CAPN1: variants seen among roughly 807,000 people sequenced by gnomAD.
CAPN1 encodes the protein calpain 1.
CAPN1 carries 77 observed loss-of-function variants against 105.2 expected under a neutral mutation model. The ratio of observed to expected loss-of-function variants is 0.73; its 90% CI spans 0.61 to 0.88. The LOEUF (loss-of-function observed/expected upper bound fraction) is 0.88, where lower values mean the gene tolerates loss of function less well. Among genes scored for constraint, CAPN1 ranks in the 40% least tolerant of loss-of-function variants. CAPN1 has a pLI of 0.00. For synonymous variants in CAPN1, 355 were observed against 388.8 expected (o/e 0.91, Z 1.02); for missense variants, 833 against 976.6 (o/e 0.85, Z 1.96).
chr11:65,206,795 G>T lies in CAPN1; in HGVS notation c.1581G>T (p.Gln527His). Reference protein sequence around the residue: ...KSAGTVELDDQIQANLPDEQV... With the variant: ...KSAGTVELDDHIQANLPDEQV... ...CTCTCTGCAGGGAGCTGGATGACCA[G>T]ATCCAGGCCAATCTCCCCGATGAGG... Residue 527 changes from glutamine to histidine, a missense_variant, in exon 14 of 22, where the codon CAG (glutamine) becomes CAT (histidine). Physicochemically the swap from Gln to His is conservative, Grantham distance 24. Coordinates refer to ENST00000279247, the MANE Select transcript of CAPN1 (RefSeq NM_005186.4). 1 of 1,612,848 alleles carries T rather than the reference G, an allele frequency of 6.2e-7. No individual in the cohort carries two copies. Among genetic ancestry groups the T allele is most frequent in the Admixed American group, 1.7e-5 (1 of 59,888 alleles).
chr11:65,197,473 T>G (rs2137356947), intron 10 of CAPN1, among the ~76,000 whole-genome samples: 2 of 152,342 alleles, frequency 1.3e-5, no homozygotes, highest in South Asian at 2.1e-4. Flanking sequence ...TTCAGGGTTT[T>G]TTTTTGTTGA....
chr11:65,182,372 C>T, intron 1 of CAPN1: 1 of 279,138 alleles, frequency 3.6e-6, no homozygotes, highest in African/African-American at 2.2e-5. Flanking sequence ...CTGCTGTGTC[C>T]CACCTGCCCA....
intron 21 of CAPN1, 97 bp from the exon 22 acceptor site, chr11:65,211,163 T>G: frequency 4.3e-6 from 6 of 1,389,736 alleles, no homozygotes; most frequent in African/African-American, 1.4e-5. Flanking sequence ...AGGTGGCTCC[T>G]GAGACGTGGA....
At position 65,208,232 on chromosome 11, in the gene CAPN1, C is replaced by G; in HGVS notation, c.1699C>G (p.Arg567Gly). ...CATGGAGATCAGCGTGAAGGAGTTG[C>G]GGACAATCCTCAATAGGATCATCAG... Reference protein sequence around the residue: ...EDMEISVKELRTILNRIISKH... With the variant: ...EDMEISVKELGTILNRIISKH... The change falls in exon 16 of 22, where the codon CGG (arginine) becomes GGG (glycine). Residue 567 changes from arginine (R) to glycine (G), a missense_variant. By Grantham distance (125) the Arg-to-Gly change is moderately radical. Transcript: ENST00000279247. The surrounding 1 kb of genome is among the most constrained non-coding windows in gnomAD (Gnocchi z 4.1). The G allele has an allele frequency of 1.9e-6, 3 of 1,573,966 alleles. No individual in the cohort carries two copies. Among genetic ancestry groups the G allele is most frequent in the Non-Finnish European group, 2.6e-6 (3 of 1,159,582 alleles).
intron 14 of CAPN1, among the ~76,000 whole-genome samples, chr11:65,207,683 C>T (rs1470835113): frequency 4.6e-5 from 7 of 151,468 alleles, no homozygotes; most frequent in African/African-American, 1.7e-4. Flanking sequence ...GAGGTTGAGG[C>T]GGGCGGATAA....
Position 65,188,098 on chromosome 11 carries a change from A to G in CAPN1, c.929+58A>G. On this transcript the variant is annotated intron_variant, in intron 8 of 21. Transcript: ENST00000279247. The surrounding 1 kb of genome is among the most constrained non-coding windows in gnomAD (Gnocchi z 5.5). Reference sequence around the variant, plus strand: ...TGGGGAAACTGTTAGGTGCCCCGACATTTCTGCTCGGGACTCTACCAGGCC... The same window carrying G: ...TGGGGAAACTGTTAGGTGCCCCGACGTTTCTGCTCGGGACTCTACCAGGCC... 3 of 1,222,726 alleles carry G rather than the reference A, an allele frequency of 2.5e-6. No individual in the cohort carries two copies. Among genetic ancestry groups the G allele is most frequent in the Non-Finnish European group, 3.5e-6 (3 of 868,816 alleles). 75.7% of individuals were successfully genotyped at this position (1,222,726 alleles called of 1,614,324 possible).
intron 10 of CAPN1, among the ~76,000 whole-genome samples, chr11:65,200,722 C>T (rs1948856316): frequency 1.3e-5 from 2 of 151,136 alleles, no homozygotes; most frequent in African/African-American, 4.9e-5. Context: ...CTCACTGCAG[C>T]CTCAGCCTTC....
Position 65,186,044 on chromosome 11 carries a change from A to G in CAPN1, c.584A>G (p.Tyr195Cys). The G allele has an allele frequency of 1.2e-6, 2 of 1,611,672 alleles. No homozygotes were observed. The highest frequency in any genetic ancestry group is 1.7e-6 in the Non-Finnish European group (2 of 1,178,884). Residue 195 changes from tyrosine (Y) to cysteine (C), a missense_variant, in exon 5 of 22, where the codon TAT (tyrosine) becomes TGT (cysteine). Coordinates refer to ENST00000279247, the MANE Select transcript of CAPN1 (RefSeq NM_005186.4). Reference protein sequence around the residue: ...EFWSALLEKAYAKVNGSYEAL... With the variant: ...EFWSALLEKACAKVNGSYEAL... ...TGGAGCGCCCTGCTTGAGAAGGCCT[A>G]TGCCAAGTGAGTAGCGGCTGAGGGG...
Position 65,204,699 on chromosome 11 carries a change from C to A in CAPN1, c.1182C>A (p.Asn394Lys). 6.2e-7 allele frequency: 1 copy of A among 1,612,112 alleles called. No homozygotes were observed. Reference protein sequence around the residue: ...CRNYPATFWVNPQFKIRLDET... With the variant: ...CRNYPATFWVKPQFKIRLDET... ...TGCCCGCAGCCACCTTCTGGGTGAACCCTCAGTTCAAGATCCGGCTGGATG... is the reference window on the plus strand; with the variant it reads ...TGCCCGCAGCCACCTTCTGGGTGAAACCTCAGTTCAAGATCCGGCTGGATG... Residue 394 changes from asparagine (N) to lysine (K), a missense_variant, in exon 11 of 22, where the codon AAC becomes AAA. Transcript: ENST00000279247.
chr11:65,204,714 C>A lies in CAPN1; in HGVS notation c.1197C>A (p.Ile399=), dbSNP rs749649868. 3 of 1,612,910 alleles carry A rather than the reference C, an allele frequency of 1.9e-6. No homozygotes were observed. The South Asian group carries it at 3.3e-5, about 18-fold the overall frequency. Residue 399 remains isoleucine (I), a synonymous_variant, in exon 11 of 22, where the codon ATC becomes ATA. Transcript: ENST00000279247. ...ATFWVNPQFK[I]RLDETDDPDD... is the part of the protein sequence containing the mutation. The stretch of plus-strand genomic sequence containing the variant: ...TCTGGGTGAACCCTCAGTTCAAGAT[C>A]CGGCTGGATGAGACGGATGACCCGG...
intron 10 of CAPN1, 64 bp from the exon 11 acceptor site, chr11:65,204,619 G>A (rs1229625309): frequency 5.8e-5 from 84 of 1,459,464 alleles, no homozygotes; most frequent in Non-Finnish European, 7.2e-5. Context: ...TGCTGAGGAG[G>A]CTTGGGGGCC....
chr11:65,188,290 G>T lies in CAPN1; in HGVS notation c.930-124G>T. On this transcript the variant is annotated intron_variant, in intron 8 of 21. Transcript: ENST00000279247. The surrounding 1 kb of genome is among the most constrained non-coding windows in gnomAD (Gnocchi z 5.5). ...CACCCCCTAGAAGCGGAACCTTGGCGCTTGACCTTGAGGAGGCCACCTGGG... is the reference window on the plus strand; with the variant it reads ...CACCCCCTAGAAGCGGAACCTTGGCTCTTGACCTTGAGGAGGCCACCTGGG... 1 of 851,044 alleles carries T rather than the reference G, an allele frequency of 1.2e-6. No homozygotes were observed. The highest frequency in any genetic ancestry group is 1.8e-6 in the Non-Finnish European group (1 of 543,288). The allele number at this position is 851,044 out of a possible 1,614,324, so 52.7% of individuals were successfully genotyped here. A position where few individuals can be genotyped will look rare whatever the true frequency, so the allele number is the denominator to read the frequency against.
chr11:65,207,544 A>G (rs1018984026), intron 14 of CAPN1, among the ~76,000 whole-genome samples: 4 of 151,788 alleles, frequency 2.6e-5, no homozygotes, highest in Non-Finnish European at 5.9e-5. Flanking sequence ...CATCCCCTTC[A>G]TTTAGGTCAC....
At chr11:65,196,433 C>A (rs1321837114) in intron 10 of CAPN1, among the ~76,000 whole-genome samples, 3 of 151,854 alleles carry the variant, frequency 2.0e-5, no homozygotes, top group African/African-American at 7.3e-5. Flanking sequence ...GTGTAATGAT[C>A]AAATCAGGGT....
intron 12 of CAPN1, chr11:65,206,104 T>C (rs1948952704): frequency 2.0e-6 from 1 of 500,696 alleles, no homozygotes; most frequent in Admixed American, 3.5e-5. Flanking sequence ...GAGCCTGTGT[T>C]TGTGTCTGTA....
chr11:65,197,477 T>G (rs907899846), intron 10 of CAPN1, among the ~76,000 whole-genome samples: 2 of 152,216 alleles, frequency 1.3e-5, no homozygotes, highest in Non-Finnish European at 2.9e-5. Context: ...GGGTTTTTTT[T>G]TGTTGAATTT....
At chr11:65,199,075 T>C (rs1204089971) in intron 10 of CAPN1, among the ~76,000 whole-genome samples, 1 of 152,200 alleles carries the variant, frequency 6.6e-6, no homozygotes, top group Non-Finnish European at 1.5e-5. Context: ...CCTCAAGTGA[T>C]CCACCCTCCT....
In CAPN1 at chr11:65,204,692, GGGTGAACC is replaced by G. The variant is rs1191118012; in HGVS notation, c.1176_1183del (p.Trp392CysfsTer9). ...CCTCACCTGCCCGCAGCCACCTTCTGGGTGAACCCTCAGTTCAAGATCCGGCTGGATGA... is the reference window on the plus strand; with the variant it reads ...CCTCACCTGCCCGCAGCCACCTTCTGCTCAGTTCAAGATCCGGCTGGATGA... On this transcript the variant is annotated frameshift_variant, in exon 11 of 22. Coordinates refer to ENST00000279247, the MANE Select transcript of CAPN1 (RefSeq NM_005186.4). LOFTEE classifies it high-confidence loss of function. The G allele has an allele frequency of 6.2e-7, 1 of 1,611,730 alleles. No homozygotes were observed. Among genetic ancestry groups the G allele is most frequent in the Non-Finnish European group, 8.5e-7 (1 of 1,178,800 alleles).
rs374219289 is a variant in CAPN1, at chr11:65,186,316, C to T, written c.737C>T (p.Ser246Phe). The change falls in exon 6 of 22, where the codon TCC becomes TTC. Residue 246 changes from serine (S) to phenylalanine (F), a missense_variant. By Grantham distance (155) the Ser-to-Phe change is radical (BLOSUM62 -2). Coordinates refer to ENST00000279247, the MANE Select transcript of CAPN1 (RefSeq NM_005186.4). ...ATCCTCAAGGCGCTGGAGCGGGGCT[C>T]CCTGCTGGGCTGCTCCATAGACGTG... ...QIILKALERG[S>F]LLGCSIDISS... 6.0e-5 allele frequency: 97 copies of T among 1,612,570 alleles called. No individual in the cohort carries two copies. Among genetic ancestry groups the T allele is most frequent in the Non-Finnish European group, 8.1e-5 (96 of 1,179,234 alleles).
Sources: gnomAD v4.1 joint callset for allele counts (sites outside exome capture counted in the v4.1 genomes callset) on GRCh38, gnomAD v4.1.1 for gene constraint, Gnocchi (gnomAD v3.1) non-coding constraint, MANE v1.5 for transcripts, NCBI Gene and HGNC (gene_info 2026-07-23, HGNC 2026-07-21) for gene names.